SPATA7: variants seen among roughly 807,000 people sequenced by gnomAD.
The protein encoded by SPATA7 is spermatogenesis associated 7, also known as spermatogenesis-associated protein 7.
Under a neutral mutation model 51.8 loss-of-function variants are expected in SPATA7, and 43 were observed. The ratio of observed to expected loss-of-function variants is 0.83; its 90% CI spans 0.65 to 1.07. The LOEUF (loss-of-function observed/expected upper bound fraction) is 1.07, where lower values mean the gene tolerates loss of function less well. Among genes scored for constraint, SPATA7 ranks in the 50% least tolerant of loss-of-function variants. The pLI is 0.00. For synonymous variants in SPATA7, 230 were observed against 252.8 expected, an observed-to-expected ratio of 0.91 and a Z score of 0.86; for missense variants, 683 against 701.3, an observed-to-expected ratio of 0.97 and a Z score of 0.30.
chr14:88,387,839 A>G (rs2139853129), intron 1 of SPATA7, among the ~76,000 whole-genome samples: 1 of 152,284 alleles, frequency 6.6e-6, no homozygotes, highest in African/African-American at 2.4e-5. Flanking sequence ...AGGTGAAGAA[A>G]AGATTGAGAA....
Position 88,393,476 on chromosome 14 carries a change from CT to C in SPATA7, c.181del (p.Ser61GlnfsTer6). ...CATGGCTGTTCACTATAATAAAATC[CT>C]TTCAGCCAAAGGTAAAAATGTGCAA... is the stretch of plus-strand genomic sequence containing the variant. ...NHMAVHYNKILSAKAAVDCSV... is the reference protein window; with the variant it reads ...NHMAVHYNKIXSAKAAVDCSV... On this transcript the variant is annotated frameshift_variant, in exon 3 of 12. Transcript: ENST00000393545. LOFTEE classifies it high-confidence loss of function. 6.3e-7 allele frequency: 1 copy of C among 1,598,138 alleles called. No homozygotes were observed. Among genetic ancestry groups the C allele is most frequent in the South Asian group, 1.1e-5 (1 of 88,586 alleles).
intron 5 of SPATA7, among the ~76,000 whole-genome samples, chr14:88,423,671 A>AT (rs897398508): frequency 0.037 from 458 of 12,270 alleles, 131 homozygotes; most frequent in Non-Finnish European, 0.27. Context: ...TTTTAAAATA[A>AT]TTTTTTTTTT....
At chr14:88,419,515 A>G (rs2076577983) in intron 5 of SPATA7, among the ~76,000 whole-genome samples, 1 of 147,150 alleles carries the variant, frequency 6.8e-6, no homozygotes, top group Admixed American at 6.7e-5. Context: ...AGATTATTCA[A>G]TCTGATAATC....
At chr14:88,448,876 T>A (rs553878290) in intron 3 of SPATA7, among the ~76,000 whole-genome samples, 6 of 152,186 alleles carry the variant, frequency 3.9e-5, no homozygotes, top group Non-Finnish European at 8.8e-5. Context: ...GGAGAACCAC[T>A]GCTCTCTTCA....
downstream of SPATA7, among the ~76,000 whole-genome samples, chr14:88,459,308 G>T (rs1051678182): frequency 2.6e-5 from 4 of 152,098 alleles, no homozygotes; most frequent in East Asian, 1.9e-4. Context: ...ATCTGTCTAA[G>T]GTTGACAGTG....
intron 3 of SPATA7, among the ~76,000 whole-genome samples, chr14:88,453,620 C>A (rs945456776): frequency 2.0e-5 from 3 of 152,092 alleles, no homozygotes; most frequent in South Asian, 2.1e-4. Flanking sequence ...CCAAAGATTT[C>A]TTTTTGTTAC....
intron 5 of SPATA7, among the ~76,000 whole-genome samples, chr14:88,419,558 G>T (rs1418222986): frequency 2.1e-5 from 3 of 144,326 alleles, no homozygotes; most frequent in Non-Finnish European, 4.5e-5. Context: ...ACAGAGTCTC[G>T]CTTTTTTACC....
chr14:88,458,341 A>C (rs1399727670), downstream of SPATA7, among the ~76,000 whole-genome samples: 1 of 152,166 alleles, frequency 6.6e-6, no homozygotes, highest in Non-Finnish European at 1.5e-5. Context: ...TCGGCTGTGA[A>C]TCCATCTGGT....
chr14:88,389,827 C>T (rs2075691957), intron 1 of SPATA7, among the ~76,000 whole-genome samples: 1 of 152,068 alleles, frequency 6.6e-6, no homozygotes, highest in Non-Finnish European at 1.5e-5. Flanking sequence ...ACCTGTTTTT[C>T]CTTTTTCTGT....
intron 4 of SPATA7, among the ~76,000 whole-genome samples, chr14:88,403,193 GA>G (rs2076116831): frequency 6.6e-6 from 1 of 152,164 alleles, no homozygotes; most frequent in Admixed American, 6.5e-5. Flanking sequence ...GGATGTGGAG[GA>G]AAGGGAACAC....
intron 3 of SPATA7, among the ~76,000 whole-genome samples, chr14:88,453,813 G>A (rs1313538126): frequency 2.0e-5 from 3 of 152,218 alleles, no homozygotes; most frequent in Non-Finnish European, 2.9e-5. Flanking sequence ...CCAGTAGCCA[G>A]ATGGAACCAG....
chr14:88,424,080 G>T (rs372183474), intron 5 of SPATA7, among the ~76,000 whole-genome samples: 1 of 152,184 alleles, frequency 6.6e-6, no homozygotes, highest in Admixed American at 6.5e-5. Context: ...AATAACCTAA[G>T]AAAGTGAGTG....
At chr14:88,442,082 A>G (rs1329173254), downstream of SPATA7, among the ~76,000 whole-genome samples, 2 of 152,144 alleles carry the variant, frequency 1.3e-5, no homozygotes, top group Non-Finnish European at 2.9e-5. Context: ...TCCCAGCACC[A>G]TTTGTTGAAT....
Position 88,438,130 on chromosome 14 carries a change from G to A in SPATA7, c.1508G>A (p.Gly503Glu). ...ATTTATAAATCAAAGCATTCAGAAG[G>A]GGTTATAATTCAACAGGTGAATGAT... ...MPIYKSKHSE[G>E]VIIQQVNDET... is the part of the protein sequence containing the mutation. The change falls in exon 12 of 12, where the codon GGG (glycine) becomes GAG (glutamate). Residue 503 changes from glycine to glutamate, a missense_variant. By Grantham distance (98) the Gly-to-Glu change is moderately conservative (BLOSUM62 -2). Coordinates refer to ENST00000393545, the MANE Select transcript of SPATA7 (RefSeq NM_018418.5). 6.2e-7 allele frequency: 1 copy of A among 1,613,678 alleles called. No homozygotes were observed. Among genetic ancestry groups the A allele is most frequent in the East Asian group, 2.2e-5 (1 of 44,862 alleles).
intron 3 of SPATA7, among the ~76,000 whole-genome samples, chr14:88,448,103 C>A (rs1425219036): frequency 2.6e-5 from 4 of 152,130 alleles, no homozygotes; most frequent in African/African-American, 2.4e-5. Flanking sequence ...TCCATTCTCC[C>A]CGTCACTTTC....
intron 3 of SPATA7, among the ~76,000 whole-genome samples, chr14:88,447,175 G>T (rs1324992106): frequency 1.3e-5 from 2 of 148,622 alleles, no homozygotes; most frequent in Non-Finnish European, 3.0e-5. Context: ...CTCCTGTATT[G>T]GGTGCATATA....
In SPATA7 at chr14:88,438,199, G is replaced by C. The variant is rs1428399865; in HGVS notation, c.1577G>C (p.Ser526Thr). The stretch of plus-strand genomic sequence containing the variant: ...TCAACTTTGGATGAAAATCATCCAA[G>C]TATTTCAGACAGTTTAACAGATCGG... ...ETSTLDENHPSISDSLTDRET... is the reference protein window; with the variant it reads ...ETSTLDENHPTISDSLTDRET... Residue 526 changes from serine (S) to threonine (T), a missense_variant, in exon 12 of 12, where the codon AGT (serine) becomes ACT (threonine). Physicochemically the swap from Ser to Thr is moderately conservative, Grantham distance 58 (BLOSUM62 1). Transcript: ENST00000393545. 1.9e-6 allele frequency: 3 copies of C among 1,613,716 alleles called. No homozygotes were observed. The highest frequency in any genetic ancestry group is 2.7e-5 in the African/African-American group (2 of 74,912).
chr14:88,396,050 T>C (rs2139882997), intron 3 of SPATA7, 106 bp from the exon 4 acceptor site: 1 of 853,926 alleles, frequency 1.2e-6, no homozygotes, highest in Middle Eastern at 2.6e-4. Context: ...TCGCTAGAAG[T>C]ATGATAAACA....
intron 4 of SPATA7, among the ~76,000 whole-genome samples, chr14:88,411,410 T>A (rs1595225968): frequency 6.6e-6 from 1 of 152,106 alleles, no homozygotes; most frequent in Admixed American, 6.5e-5. Flanking sequence ...CAGTTGCCAC[T>A]GGGGTATGGA....
Sources: allele counts gnomAD v4.1 joint callset (sites outside exome capture counted in the v4.1 genomes callset), GRCh38; gene constraint gnomAD v4.1.1; transcripts MANE v1.5; gene names NCBI Gene and HGNC (gene_info 2026-07-23, HGNC 2026-07-21).